Variants in ADAMTSL1 observed in about 807,000 individuals in gnomAD.
ADAMTSL1 encodes ADAMTS-like protein 1.
Under a neutral mutation model 201.8 loss-of-function variants are expected in ADAMTSL1, and 126 were observed. That is an observed-to-expected ratio of 0.62 (90% confidence interval 0.54 to 0.72). ADAMTSL1 has a LOEUF of 0.72. ADAMTSL1 is among the 30% of genes least tolerant of loss of function. ADAMTSL1 has a pLI of 0.00. For synonymous variants in ADAMTSL1, 1,121 were observed against 903.4 expected (o/e 1.24, Z -4.32); for missense variants, 2,679 against 2,277.8 (o/e 1.18, Z -3.59).
intron 3 of ADAMTSL1, among the ~76,000 whole-genome samples, chr9:18,541,495 A>G: frequency 1.3e-5 from 2 of 151,438 alleles, no homozygotes; most frequent in Admixed American, 6.6e-5. Flanking sequence ...GGGCAACAAG[A>G]GCAAAACTCC....
chr9:17,985,994 C>G (rs567653373), intron 1 of ADAMTSL1, among the ~76,000 whole-genome samples: 2 of 152,098 alleles, frequency 1.3e-5, no homozygotes, highest in African/African-American at 4.8e-5. Flanking sequence ...CAAGAAACAA[C>G]AAATGGTTTT....
At chr9:18,018,373 C>T (rs1201735184) in intron 1 of ADAMTSL1, among the ~76,000 whole-genome samples, 4 of 152,096 alleles carry the variant, frequency 2.6e-5, no homozygotes, top group African/African-American at 9.7e-5. Flanking sequence ...CTCTGGCATT[C>T]ATGCCCTTCT....
chr9:18,552,277 A>C (rs1395897640), intron 3 of ADAMTSL1, among the ~76,000 whole-genome samples: 1 of 151,870 alleles, frequency 6.6e-6, no homozygotes, highest in Admixed American at 6.6e-5. Context: ...GATAAAAAAA[A>C]ATTTTCATTA....
Position 18,680,332 on chromosome 9 carries a change from C to A in ADAMTSL1, c.1157C>A (p.Thr386Asn). 1 of 1,614,110 alleles carries A rather than the reference C, an allele frequency of 6.2e-7. No homozygotes were observed. The highest frequency in any genetic ancestry group is 8.5e-7 in the Non-Finnish European group (1 of 1,180,008). ...TGTAGGTGGGAGGCCACCCCATGGA[C>A]CGCGTGCTCCTCCTCGTGTGGGGGG... The part of the protein sequence containing the change: ...PLPRWEATPW[T>N]ACSSSCGGGI... Residue 386 changes from threonine to asparagine, a missense_variant, in exon 11 of 29, where the codon ACC (threonine) becomes AAC (asparagine). Coordinates refer to ENST00000380548, the MANE Select transcript of ADAMTSL1 (RefSeq NM_001040272.6).
intron 2 of ADAMTSL1, among the ~76,000 whole-genome samples, chr9:18,290,454 A>G (rs528299534): frequency 2.6e-5 from 4 of 152,238 alleles, no homozygotes; most frequent in East Asian, 1.9e-4. Flanking sequence ...GGGTTGAACC[A>G]TCTTGCAAAA....
intron 1 of ADAMTSL1, among the ~76,000 whole-genome samples, chr9:18,076,015 C>G (rs1388849960): frequency 6.6e-6 from 1 of 152,192 alleles, no homozygotes; most frequent in East Asian, 1.9e-4. Context: ...TTAAACATCA[C>G]CTCAAGATGA....
chr9:18,651,897 T>G (rs1054712617), intron 7 of ADAMTSL1, among the ~76,000 whole-genome samples: 9 of 102,822 alleles, frequency 8.8e-5, no homozygotes, highest in Non-Finnish European at 2.2e-4. Context: ...GGGAATTTAT[T>G]AAGTTTATAA....
chr9:18,406,300 T>TTTTCTTTTCC (rs1818195518), intron 2 of ADAMTSL1, among the ~76,000 whole-genome samples: 1 of 91,036 alleles, frequency 1.1e-5, no homozygotes, highest in Non-Finnish European at 2.1e-5. Flanking sequence ...TTTTCTTTTC[T>TTTTCTTTTCC]TTTCTTTTCT....
chr9:18,842,933 C>A (rs977942123), intron 23 of ADAMTSL1, among the ~76,000 whole-genome samples: 1 of 152,064 alleles, frequency 6.6e-6, no homozygotes, highest in East Asian at 1.9e-4. Flanking sequence ...CATGTCTCTG[C>A]GCGTGAGATG....
chr9:18,841,021 C>A (rs1306310469), intron 23 of ADAMTSL1, among the ~76,000 whole-genome samples: 1 of 145,504 alleles, frequency 6.9e-6, no homozygotes, highest in African/African-American at 2.6e-5. Context: ...AATTGAATAC[C>A]CTTTATTTCC....
intron 1 of ADAMTSL1, among the ~76,000 whole-genome samples, chr9:18,157,090 A>G (rs1827189616): frequency 6.6e-6 from 1 of 151,974 alleles, no homozygotes; most frequent in African/African-American, 2.4e-5. Flanking sequence ...CTTGGTGAAG[A>G]TGGTTGCTGA....
intron 5 of ADAMTSL1, among the ~76,000 whole-genome samples, chr9:18,628,141 C>A (rs1216816696): frequency 6.6e-6 from 1 of 152,056 alleles, no homozygotes; most frequent in Admixed American, 6.6e-5. Flanking sequence ...ACGGCTCATG[C>A]TTTTAATGTC....
intron 1 of ADAMTSL1, among the ~76,000 whole-genome samples, chr9:18,008,924 C>A (rs568254352): frequency 3.9e-5 from 6 of 152,060 alleles, no homozygotes; most frequent in African/African-American, 1.4e-4. Context: ...ATCATTAGAT[C>A]GTTTGTCTAG....
chr9:17,916,312 C>T (rs1826092576), intron 1 of ADAMTSL1, among the ~76,000 whole-genome samples: 1 of 152,224 alleles, frequency 6.6e-6, no homozygotes, highest in South Asian at 2.1e-4. Flanking sequence ...CTTTGCTTGG[C>T]AGAAGCTTTT....
In ADAMTSL1 at chr9:18,388,074, C is replaced by T. The variant is rs529946557; in HGVS notation, c.208-116755C>T. The stretch of plus-strand genomic sequence containing the variant: ...TTGTTTGATATTTAACAAAATTAGG[C>T]CTGTTTTATTTTGGATAATATTCAT... On this transcript the variant is annotated intron_variant, in intron 2 of 29. Coordinates refer to the ADAMTSL1 transcript ENST00000680146. Among the ~76,000 whole-genome samples, 4 of 152,004 alleles carry T rather than the reference C, an allele frequency of 2.6e-5. No individual in the cohort carries two copies. The South Asian group carries it at 8.3e-4, about 32-fold the overall frequency.
rs141340027 is a variant in ADAMTSL1 at position 17,921,797 on chromosome 9, C to A, written c.87+14875C>A. Reference sequence around the variant, plus strand: ...TTTTAGGGAAGAGATTCCGTGCTCACTGACTGCCTTCTGGTTGCCAAACAC... The same window carrying A: ...TTTTAGGGAAGAGATTCCGTGCTCAATGACTGCCTTCTGGTTGCCAAACAC... On this transcript the variant is annotated intron_variant, in intron 1 of 29. Transcript: ENST00000680146. Among the ~76,000 whole-genome samples the A allele has an allele frequency of 1.2e-4, 18 of 152,268 alleles. No homozygotes were observed. In the East Asian group the frequency reaches 3.5e-3, roughly 29 times the overall value.
At chr9:18,853,069 G>T (rs1826602117) in intron 23 of ADAMTSL1, among the ~76,000 whole-genome samples, 1 of 152,192 alleles carries the variant, frequency 6.6e-6, no homozygotes, top group African/African-American at 2.4e-5. Context: ...AGGTTGGGGA[G>T]ATGCTGGCTG....
At chr9:18,013,236 C>G (rs936824111) in intron 1 of ADAMTSL1, among the ~76,000 whole-genome samples, 1 of 151,982 alleles carries the variant, frequency 6.6e-6, no homozygotes, top group South Asian at 2.1e-4. Context: ...TTGCAGAGCA[C>G]TTTCACATAT....
At chr9:18,615,162 C>T (rs548069859) in intron 4 of ADAMTSL1, among the ~76,000 whole-genome samples, 12 of 152,202 alleles carry the variant, frequency 7.9e-5, no homozygotes, top group South Asian at 6.2e-4. Flanking sequence ...ACCACCTTTG[C>T]GAATTACTGG....
Sources: allele counts gnomAD v4.1 joint callset (sites outside exome capture counted in the v4.1 genomes callset), GRCh38; gene constraint gnomAD v4.1.1; transcripts MANE v1.5; gene names NCBI Gene and HGNC (gene_info 2026-07-23, HGNC 2026-07-21).